Variants in MS4A4E observed in about 807,000 individuals in gnomAD.
The protein encoded by MS4A4E is putative membrane-spanning 4-domains subfamily A member 4E.
In MS4A4E, 23 loss-of-function variants were observed where a neutral mutation model predicts 13.3. The ratio of observed to expected loss-of-function variants is 1.73; its 90% CI spans 1.25 to 2.45. MS4A4E has a LOEUF of 2.45. Ranked by LOEUF, MS4A4E falls within the 30% of genes most tolerant of loss-of-function variation. MS4A4E has a pLI of 0.00. For missense variants in MS4A4E, 144 were observed against 131.2 expected, an observed-to-expected ratio of 1.10 and a Z score of -0.48; for synonymous variants, 36 against 45.6, an observed-to-expected ratio of 0.79 and a Z score of 0.85.
At chr11:60,203,961 T>C (rs761740153) in intron 8 of MS4A4E, among the ~76,000 whole-genome samples, 4 of 152,342 alleles carry the variant, frequency 2.6e-5, no homozygotes, top group Non-Finnish European at 1.5e-5. Context: ...ATATTTTGCA[T>C]GAATTGCCTA....
intron 3 of MS4A4E, among the ~76,000 whole-genome samples, chr11:60,224,429 G>T (rs2134952723): frequency 6.6e-6 from 1 of 152,254 alleles, no homozygotes; most frequent in African/African-American, 2.4e-5. Flanking sequence ...ATTTTCTTCA[G>T]TTTTTCCTGA....
intron 1 of MS4A4E, among the ~76,000 whole-genome samples, chr11:60,232,809 C>A (rs2084429259): frequency 6.6e-6 from 1 of 152,088 alleles, no homozygotes; most frequent in African/African-American, 2.4e-5. Context: ...ACTTAACCAC[C>A]ACTACACTAT....
intron 7 of MS4A4E, among the ~76,000 whole-genome samples, chr11:60,205,272 T>C (rs564049507): frequency 1.5e-4 from 23 of 152,336 alleles, no homozygotes; most frequent in African/African-American, 4.3e-4. Context: ...AAAAATGTTT[T>C]GATTGTTTTA....
intron 1 of MS4A4E, among the ~76,000 whole-genome samples, chr11:60,234,493 G>T (rs1182115275): frequency 1.3e-5 from 2 of 152,130 alleles, no homozygotes; most frequent in Non-Finnish European, 2.9e-5. Flanking sequence ...TCATGGGAGA[G>T]GGTAAGCTAT....
chr11:60,204,047 G>A (rs759564953), intron 8 of MS4A4E, among the ~76,000 whole-genome samples: 1 of 152,164 alleles, frequency 6.6e-6, no homozygotes, highest in African/African-American at 2.4e-5. Flanking sequence ...ACCTTAAAAA[G>A]TTTATGTATG....
chr11:60,206,626 C>A, intron 6 of MS4A4E: 1 of 196,254 alleles, frequency 5.1e-6, no homozygotes. Context: ...TCTTGTGTTA[C>A]AGTCAGCATA....
At chr11:60,233,285 G>C (rs1419415196) in intron 1 of MS4A4E, among the ~76,000 whole-genome samples, 1 of 152,142 alleles carries the variant, frequency 6.6e-6, no homozygotes, top group Admixed American at 6.5e-5. Context: ...TTGCTGCTAT[G>C]CCCGATTGTC....
intron 5 of MS4A4E, among the ~76,000 whole-genome samples, chr11:60,211,938 C>CAAT (rs1030605468): frequency 5.3e-5 from 8 of 151,974 alleles, no homozygotes; most frequent in South Asian, 4.2e-4. Context: ...CCATCTCTAA[C>CAAT]AATAATAATA....
At chr11:60,235,191 T>C (rs1280591291) in intron 1 of MS4A4E, among the ~76,000 whole-genome samples, 1 of 152,160 alleles carries the variant, frequency 6.6e-6, no homozygotes, top group East Asian at 1.9e-4. Flanking sequence ...TTATCATGAC[T>C]CACTGCAGCC....
intron 1 of MS4A4E, among the ~76,000 whole-genome samples, chr11:60,233,695 A>G (rs187536682): frequency 2.1e-3 from 322 of 152,330 alleles, no homozygotes; most frequent in Non-Finnish European, 3.9e-3. Context: ...GGATCAAAGA[A>G]TATCACATAT....
At chr11:60,217,622 A>G (rs1016414084) in intron 3 of MS4A4E, among the ~76,000 whole-genome samples, 1 of 152,216 alleles carries the variant, frequency 6.6e-6, no homozygotes, top group Non-Finnish European at 1.5e-5. Context: ...TGAAGATTTC[A>G]TGGACATTTA....
chr11:60,203,630 G>A (rs1431970017), intron 8 of MS4A4E, among the ~76,000 whole-genome samples: 1 of 152,052 alleles, frequency 6.6e-6, no homozygotes, highest in African/African-American at 2.4e-5. Flanking sequence ...ATGCCTGTAA[G>A]CCCAGCTACT....
intron 3 of MS4A4E, chr11:60,225,214 A>G: frequency 1.1e-6 from 1 of 942,184 alleles, no homozygotes; most frequent in Non-Finnish European, 1.5e-6. Flanking sequence ...TGACCTTGAT[A>G]TTCTGTTGTC....
intron 6 of MS4A4E, among the ~76,000 whole-genome samples, chr11:60,206,211 G>A (rs551412210): frequency 6.6e-6 from 1 of 152,100 alleles, no homozygotes; most frequent in East Asian, 1.9e-4. Flanking sequence ...ATGTTATACA[G>A]GGGAGCAGAA....
intron 1 of MS4A4E, among the ~76,000 whole-genome samples, chr11:60,239,200 A>G (rs1175077700): frequency 6.6e-6 from 1 of 152,238 alleles, no homozygotes; most frequent in Non-Finnish European, 1.5e-5. Flanking sequence ...TACTCAAGTT[A>G]ATTAATCTTG....
chr11:60,229,521 C>G (rs11230201), intron 2 of MS4A4E, among the ~76,000 whole-genome samples: 49,169 of 152,028 alleles, frequency 0.32, 9,038 homozygotes, highest in South Asian at 0.51. Flanking sequence ...ATCCTCTGAG[C>G]AGTAGGCTAA....
chr11:60,235,290 GCCA>G (rs2084469013), intron 1 of MS4A4E, among the ~76,000 whole-genome samples: 1 of 152,142 alleles, frequency 6.6e-6, no homozygotes, highest in South Asian at 2.1e-4. Context: ...ACAGAGTTTT[GCCA>G]TGTTGCCCAG....
At chr11:60,238,921 C>A (rs1242110274) in intron 1 of MS4A4E, among the ~76,000 whole-genome samples, 1 of 152,182 alleles carries the variant, frequency 6.6e-6, no homozygotes, top group Non-Finnish European at 1.5e-5. Context: ...CATGAACCAG[C>A]CTTACGACCT....
chr11:60,202,055 T>C (rs1485823153), intron 8 of MS4A4E, among the ~76,000 whole-genome samples, 176 bp from the exon 9 acceptor site: 1 of 152,224 alleles, frequency 6.6e-6, no homozygotes, highest in Non-Finnish European at 1.5e-5. Flanking sequence ...TGTCACTAAT[T>C]GCCAGAGCCC....
Sources: gnomAD v4.1 joint callset for allele counts (sites outside exome capture counted in the v4.1 genomes callset) on GRCh38, gnomAD v4.1.1 for gene constraint, MANE v1.5 for transcripts, NCBI Gene and HGNC (gene_info 2026-07-23, HGNC 2026-07-21) for gene names.